Variants in PDE4B observed in about 807,000 individuals in gnomAD.
The protein encoded by PDE4B is 3',5'-cyclic-AMP phosphodiesterase 4B.
In PDE4B, 20 loss-of-function variants were observed where a neutral mutation model predicts 82.2. That is an observed-to-expected ratio of 0.24 (90% CI 0.17 to 0.35). The LOEUF is 0.35. PDE4B is among the 10% of genes least tolerant of loss of function. The pLI is 1.00. For missense variants in PDE4B, 655 were observed against 907.2 expected, an observed-to-expected ratio of 0.72 and a Z score of 3.57; for synonymous variants, 320 against 318.9, an observed-to-expected ratio of 1.00 and a Z score of -0.04.
intron 3 of PDE4B, among the ~76,000 whole-genome samples, chr1:65,952,488 G>T (rs983792162): frequency 6.6e-6 from 1 of 151,840 alleles, no homozygotes; most frequent in Non-Finnish European, 1.5e-5. Context: ...TGAGATCAGC[G>T]TGGTCAACAT....
intron 1 of PDE4B, among the ~76,000 whole-genome samples, chr1:65,854,851 T>A (rs1646373826): frequency 6.6e-6 from 1 of 151,990 alleles, no homozygotes; most frequent in South Asian, 2.1e-4. Context: ...CTTAGTTTTA[T>A]GCTTCAGGTC....
chr1:66,054,667 T>G lies in PDE4B; in HGVS notation c.281+135832T>G, dbSNP rs72918265. 8.4e-3 allele frequency among the ~76,000 whole-genome samples: 1,275 copies of G among 152,338 alleles called. 16 individuals carry two copies. The highest frequency in any genetic ancestry group is 0.029 in the African/African-American group (1,192 of 41,574). Reference sequence around the variant, plus strand: ...CAGACTTGTAGTACAGATTGATATTTTATTCTTCCCTTTCCCATAGTTCAC... The same window carrying G: ...CAGACTTGTAGTACAGATTGATATTGTATTCTTCCCTTTCCCATAGTTCAC... On this transcript the variant is annotated intron_variant, in intron 3 of 16. Coordinates refer to ENST00000341517, the MANE Select transcript of PDE4B (RefSeq NM_002600.4).
chr1:65,989,010 G>C (rs1283801515), intron 3 of PDE4B, among the ~76,000 whole-genome samples: 1 of 152,008 alleles, frequency 6.6e-6, no homozygotes, highest in Non-Finnish European at 1.5e-5. Context: ...ATTTTTGGCT[G>C]TAATTAATTG....
chr1:66,276,879 G>A (rs1299940582), intron 7 of PDE4B, among the ~76,000 whole-genome samples: 1 of 152,142 alleles, frequency 6.6e-6, no homozygotes, highest in African/African-American at 2.4e-5. Context: ...AATAATACTA[G>A]TACTTACCAT....
intron 3 of PDE4B, chr1:66,042,436 T>G (rs1226381212): frequency 2.0e-5 from 3 of 151,810 alleles, no homozygotes; most frequent in Non-Finnish European, 4.4e-5. Context: ...TGTATAATAT[T>G]AATTATGTAC....
intron 3 of PDE4B, among the ~76,000 whole-genome samples, chr1:66,239,429 A>G (rs139744497): frequency 1.3e-5 from 2 of 152,328 alleles, no homozygotes; most frequent in African/African-American, 4.8e-5. Flanking sequence ...GGTAATTACT[A>G]TTAAATGTTG....
rs1051630081 is a variant in PDE4B, at chr1:66,353,618, G to A, written c.748-1909G>A. ...AGAGGGGAAAGATGAGGAGGGAAATGGGGTGAACCTGGGGCGGGGAATCCC... is the reference window on the plus strand; with the variant it reads ...AGAGGGGAAAGATGAGGAGGGAAATAGGGTGAACCTGGGGCGGGGAATCCC... On this transcript the variant is annotated intron_variant, in intron 8 of 16. Coordinates refer to ENST00000341517, the MANE Select transcript of PDE4B (RefSeq NM_002600.4). 3.9e-5 allele frequency among the ~76,000 whole-genome samples: 6 copies of A among 152,090 alleles called. No individual in the cohort carries two copies. In the East Asian group the frequency reaches 1.2e-3, roughly 29 times the overall value.
chr1:66,056,853 C>A (rs1420784556), intron 3 of PDE4B, among the ~76,000 whole-genome samples: 4 of 152,000 alleles, frequency 2.6e-5, no homozygotes, highest in Non-Finnish European at 5.9e-5. Flanking sequence ...GGAACATATC[C>A]CTGCTGATAC....
chr1:65,962,321 A>T (rs1351790773), intron 3 of PDE4B, among the ~76,000 whole-genome samples: 3 of 152,174 alleles, frequency 2.0e-5, no homozygotes, highest in Admixed American at 1.3e-4. Context: ...CCATCTGCAG[A>T]CATGCTCAGG....
At chr1:66,222,277 G>C (rs1015104771) in intron 3 of PDE4B, among the ~76,000 whole-genome samples, 17 of 152,252 alleles carry the variant, frequency 1.1e-4, no homozygotes, top group Admixed American at 1.0e-3. Flanking sequence ...ATATTTCATT[G>C]GCCAGGACTT....
chr1:66,050,417 A>G (rs1654956935), intron 3 of PDE4B: 1 of 152,092 alleles, frequency 6.6e-6, no homozygotes, highest in Non-Finnish European at 1.5e-5. Context: ...TGAGAACCTA[A>G]TAAATTCTAA....
At chr1:66,342,358 G>A (rs1351921823) in intron 8 of PDE4B, among the ~76,000 whole-genome samples, 2 of 151,964 alleles carry the variant, frequency 1.3e-5, no homozygotes, top group Non-Finnish European at 2.9e-5. Flanking sequence ...ATTCTTAAGT[G>A]AGTAAGAAAG....
intron 1 of PDE4B, among the ~76,000 whole-genome samples, chr1:65,819,693 G>T (rs1570971412): frequency 6.6e-6 from 1 of 151,900 alleles, no homozygotes; most frequent in Non-Finnish European, 1.5e-5. Flanking sequence ...CAGAGACGGG[G>T]TTTCACCGTG....
At chr1:65,984,308 G>A (rs1650841782) in intron 3 of PDE4B, among the ~76,000 whole-genome samples, 1 of 152,160 alleles carries the variant, frequency 6.6e-6, no homozygotes, top group South Asian at 2.1e-4. Flanking sequence ...ATCACAGATT[G>A]CCAGGGATTA....
intron 3 of PDE4B, among the ~76,000 whole-genome samples, chr1:66,084,935 T>G (rs777352226): frequency 2.0e-5 from 3 of 152,160 alleles, no homozygotes; most frequent in African/African-American, 4.8e-5. Context: ...GCCAGTCACA[T>G]GCATAGAGTT....
intron 1 of PDE4B, among the ~76,000 whole-genome samples, chr1:65,834,701 C>G (rs1008730511): frequency 2.0e-5 from 3 of 152,128 alleles, no homozygotes; most frequent in African/African-American, 7.2e-5. Context: ...ATAGCCACGT[C>G]TTCATGTCTA....
intron 3 of PDE4B, among the ~76,000 whole-genome samples, chr1:66,220,087 T>G (rs942979965): frequency 2.6e-5 from 4 of 151,522 alleles, no homozygotes; most frequent in Admixed American, 2.0e-4. Flanking sequence ...AAAAAGCTAC[T>G]TAATTACAGG....
intron 1 of PDE4B, among the ~76,000 whole-genome samples, chr1:65,879,474 T>C: frequency 6.6e-6 from 1 of 152,210 alleles, no homozygotes; most frequent in Non-Finnish European, 1.5e-5. Context: ...TAAAACATAA[T>C]TCTATAAGGT....
chr1:66,371,026 A>G (rs1003027020), intron 16 of PDE4B, among the ~76,000 whole-genome samples: 13 of 146,790 alleles, frequency 8.9e-5, no homozygotes, highest in Non-Finnish European at 1.8e-4. Flanking sequence ...AAGAAAATAT[A>G]TATATATCAT....
Sources: gnomAD v4.1 joint callset for allele counts (sites outside exome capture counted in the v4.1 genomes callset) on GRCh38, gnomAD v4.1.1 for gene constraint, MANE v1.5 for transcripts, NCBI Gene and HGNC (gene_info 2026-07-23, HGNC 2026-07-21) for gene names.